Variants in ENOX1 observed in about 807,000 individuals in gnomAD.
ENOX1 encodes the protein ecto-NOX disulfide-thiol exchanger 1.
A neutral mutation model predicts 82.5 loss-of-function variants in ENOX1; 42 were observed. That is an observed-to-expected ratio of 0.51 (90% CI 0.40 to 0.66). The LOEUF (loss-of-function observed/expected upper bound fraction) is 0.66. Among genes scored for constraint, ENOX1 ranks in the 30% least tolerant of loss-of-function variants. The pLI is 0.00. For synonymous variants in ENOX1, 271 were observed against 282.2 expected (o/e 0.96, Z 0.40); for missense variants, 608 against 811.6 (o/e 0.75, Z 3.05).
intron 2 of ENOX1, among the ~76,000 whole-genome samples, chr13:43,602,419 C>A (rs1490257829): frequency 6.6e-6 from 1 of 151,854 alleles, no homozygotes; most frequent in Admixed American, 6.6e-5. Context: ...AATTTTAAAA[C>A]CTTATTTGTG....
intron 12 of ENOX1, among the ~76,000 whole-genome samples, chr13:43,281,724 A>C (rs1183003091): frequency 6.6e-6 from 1 of 152,174 alleles, no homozygotes; most frequent in Non-Finnish European, 1.5e-5. Flanking sequence ...ATCATTTGTG[A>C]TATATGGGTA....
intron 15 of ENOX1, among the ~76,000 whole-genome samples, chr13:43,234,805 GA>G (rs1348865284): frequency 2.0e-5 from 3 of 152,062 alleles, no homozygotes; most frequent in Non-Finnish European, 4.4e-5. Flanking sequence ...GTAGCCAACT[GA>G]AAAAAGTACA....
intron 2 of ENOX1, among the ~76,000 whole-genome samples, chr13:43,660,695 T>C (rs4245325): frequency 0.02 from 3,008 of 152,260 alleles, 52 homozygotes; most frequent in Admixed American, 0.042. Flanking sequence ...AAAGAGAGTA[T>C]TCAGAGAGAA....
At chr13:43,252,886 G>C (rs566545562) in intron 14 of ENOX1, among the ~76,000 whole-genome samples, 11 of 152,284 alleles carry the variant, frequency 7.2e-5, no homozygotes, top group South Asian at 2.1e-4. Context: ...GCAAGGGAAG[G>C]GGGGATCTCC....
chr13:43,435,653 T>A (rs1200691668), intron 3 of ENOX1, among the ~76,000 whole-genome samples: 1 of 152,238 alleles, frequency 6.6e-6, no homozygotes, highest in Admixed American at 6.5e-5. Context: ...ACTTACATGC[T>A]GTTGGTGTTT....
intron 5 of ENOX1, among the ~76,000 whole-genome samples, chr13:43,383,648 T>A (rs942661512): frequency 6.6e-6 from 1 of 152,190 alleles, no homozygotes; most frequent in Admixed American, 6.5e-5. Flanking sequence ...CCACAAAGAC[T>A]TCCCTCATGG....
At chr13:43,768,975 T>A (rs954443319) in intron 1 of ENOX1, among the ~76,000 whole-genome samples, 1 of 152,218 alleles carries the variant, frequency 6.6e-6, no homozygotes, top group African/African-American at 2.4e-5. Flanking sequence ...TTTTCTAGTA[T>A]CAGTGAAAAT....
At chr13:43,638,740 GCA>G (rs749329944) in intron 2 of ENOX1, among the ~76,000 whole-genome samples, 7 of 152,144 alleles carry the variant, frequency 4.6e-5, no homozygotes, top group African/African-American at 7.2e-5. Context: ...GGGGGGCAGT[GCA>G]CAGATTCATC....
At position 43,247,947 on chromosome 13, in the gene ENOX1, G is replaced by A. The variant is rs1404138486; in HGVS notation, c.1612-11209C>T. Among the ~76,000 whole-genome samples, 16 of 121,596 alleles carry A rather than the reference G, an allele frequency of 1.3e-4. No homozygotes were observed. The South Asian group carries it at 2.1e-3, about 16-fold the overall frequency. The allele number at this position is 121,596 out of a possible 152,430, so 79.8% of individuals were successfully genotyped here. A position where few individuals can be genotyped will look rare whatever the true frequency, so the allele number is the denominator to read the frequency against. ...GTCGCCCAGGCTGGAGTGCAGTGGC[G>A]GGATCTCGGCTCACTGCAAGCTCCG... is the stretch of plus-strand genomic sequence containing the variant. On this transcript the variant is annotated intron_variant, in intron 14 of 16. Transcript: ENST00000690772.
chr13:43,718,802 C>T (rs1257712572), intron 1 of ENOX1, among the ~76,000 whole-genome samples: 1 of 151,748 alleles, frequency 6.6e-6, no homozygotes, highest in Non-Finnish European at 1.5e-5. Flanking sequence ...ATATATTCCC[C>T]CTTGTGCAGG....
In ENOX1 at chr13:43,437,966, G is replaced by A. The variant is rs111574184; in HGVS notation, c.-74-24978C>T. 3.6e-3 allele frequency among the ~76,000 whole-genome samples: 554 copies of A among 152,298 alleles called. 5 individuals are homozygous for A. Among genetic ancestry groups the A allele is most frequent in the South Asian group, 0.011 (55 of 4,820 alleles). ...TTAAATAGAGGAAAAAATTGGTGGG[G>A]AGGGATAATAAAACACCTTAAAATG... is the stretch of plus-strand genomic sequence containing the variant. On this transcript the variant is annotated intron_variant, in intron 3 of 16. Transcript: ENST00000690772.
chr13:43,242,125 C>G (rs1055737179), intron 14 of ENOX1, among the ~76,000 whole-genome samples: 4 of 152,222 alleles, frequency 2.6e-5, no homozygotes, highest in Admixed American at 2.0e-4. Flanking sequence ...GTCACTCCAA[C>G]AAATCTACTC....
intron 2 of ENOX1, among the ~76,000 whole-genome samples, chr13:43,636,775 G>A (rs2083430802): frequency 1.3e-5 from 2 of 152,148 alleles, no homozygotes; most frequent in Non-Finnish European, 2.9e-5. Flanking sequence ...ATCAGCCACT[G>A]AAGAAATTCT....
At chr13:43,721,250 T>A (rs548396538) in intron 1 of ENOX1, among the ~76,000 whole-genome samples, 4 of 152,154 alleles carry the variant, frequency 2.6e-5, no homozygotes, top group Non-Finnish European at 5.9e-5. Flanking sequence ...TACAGATGAA[T>A]GGTAAAATTC....
intron 5 of ENOX1, among the ~76,000 whole-genome samples, chr13:43,392,872 A>G (rs904470973): frequency 1.3e-5 from 2 of 152,182 alleles, no homozygotes; most frequent in Non-Finnish European, 2.9e-5. Flanking sequence ...AAAGTGTAAA[A>G]TGAATGACTC....
At chr13:43,687,045 G>A (rs1185343554) in intron 1 of ENOX1, among the ~76,000 whole-genome samples, 2 of 152,046 alleles carry the variant, frequency 1.3e-5, no homozygotes, top group African/African-American at 2.4e-5. Context: ...AGGTAACGAC[G>A]GAATTTGATT....
rs72623324 is a variant in ENOX1, at chr13:43,598,766, A to G, written c.-219+68713T>C. Among the ~76,000 whole-genome samples the G allele has an allele frequency of 2.4e-3, 361 of 151,352 alleles. 15 individuals carry two copies. The East Asian group carries it at 0.064, about 27-fold the overall frequency. ...GTGTTAAAACTATGGGTCATGTTTA[A>G]GAAGACCCCTTTAAAAACACGTTGT... On this transcript the variant is annotated intron_variant, in intron 2 of 16. Coordinates refer to ENST00000690772, the MANE Select transcript of ENOX1 (RefSeq NM_001347969.2).
chr13:43,413,064 T>G, intron 3 of ENOX1, 76 bp from the exon 4 acceptor site: 1 of 1,355,086 alleles, frequency 7.4e-7, no homozygotes, highest in Non-Finnish European at 9.6e-7. Flanking sequence ...CAAACTGTTA[T>G]CTATTCAAAA....
At chr13:43,216,038 T>C (rs561601524) in intron 16 of ENOX1, among the ~76,000 whole-genome samples, 1 of 152,146 alleles carries the variant, frequency 6.6e-6, no homozygotes, top group East Asian at 1.9e-4. Flanking sequence ...CTACTAAAAA[T>C]ACAAAAAATT....
Sources: allele counts gnomAD v4.1 joint callset (sites outside exome capture counted in the v4.1 genomes callset), GRCh38; gene constraint gnomAD v4.1.1; transcripts MANE v1.5; gene names NCBI Gene and HGNC (gene_info 2026-07-23, HGNC 2026-07-21).